COL6A3: variants seen among roughly 807,000 people sequenced by gnomAD.
The protein encoded by COL6A3 is collagen alpha-3(VI) chain.
COL6A3 carries 137 observed loss-of-function variants against 274.1 expected under a neutral mutation model. The observed-to-expected ratio is 0.50, with a 90% CI of 0.44 to 0.58. The LOEUF is 0.58. Ranked by LOEUF, COL6A3 falls within the 20% of genes least tolerant of loss-of-function variation. The pLI, the probability that COL6A3 is intolerant of heterozygous loss-of-function variation, is 0.00. For synonymous variants in COL6A3, 1,650 were observed against 1,650.6 expected (o/e 1.00, Z 0.01); for missense variants, 3,950 against 4,124.9 (o/e 0.96, Z 1.16).
At chr2:237,365,429 A>G (rs765667140) in intron 12 of COL6A3, among the ~76,000 whole-genome samples, 1 of 152,166 alleles carries the variant, frequency 6.6e-6, no homozygotes, top group Non-Finnish European at 1.5e-5. Context: ...ACCTGACTGG[A>G]CTATAATTAA....
intron 10 of COL6A3, among the ~76,000 whole-genome samples, chr2:237,367,897 A>T (rs2077591432): frequency 6.6e-6 from 1 of 152,150 alleles, no homozygotes; most frequent in Non-Finnish European, 1.5e-5. Context: ...AAAGGATGAG[A>T]GACAGTGTGA....
chr2:237,408,353 T>G (rs1190360146), intron 1 of COL6A3, among the ~76,000 whole-genome samples: 1 of 152,208 alleles, frequency 6.6e-6, no homozygotes, highest in Non-Finnish European at 1.5e-5. Context: ...ACTGCTCTCT[T>G]CCATCTGTTG....
In COL6A3 at chr2:237,366,847, A is replaced by G; in HGVS notation, c.5340T>C (p.Asn1780=). ...TCTTTCCAACCTCCTCCGAGTCGAT[A>G]TTCCTCACTCCAACAGCAAACACTT... ...GVKVFAVGVR[N]IDSEEVGKIA... Residue 1780 remains asparagine, a synonymous_variant, in exon 11 of 44, where the codon AAT becomes AAC. Coordinates refer to ENST00000295550, the MANE Select transcript of COL6A3 (RefSeq NM_004369.4). 6.2e-7 allele frequency: 1 copy of G among 1,614,200 alleles called. No homozygotes were observed. The highest frequency in any genetic ancestry group is 8.5e-7 in the Non-Finnish European group (1 of 1,180,040).
chr2:237,366,050 T>G lies in COL6A3; in HGVS notation c.5501-15A>C. ...CAGATTACAAGCTGGAAAGGAGAAATGCAGGTGATGAGTTCTCAGCTGGGG... is the reference window on the plus strand; with the variant it reads ...CAGATTACAAGCTGGAAAGGAGAAAGGCAGGTGATGAGTTCTCAGCTGGGG... On this transcript the variant is annotated splice_polypyrimidine_tract_variant and intron_variant, in intron 11 of 43. Transcript: ENST00000295550. The G allele has an allele frequency of 6.2e-7, 1 of 1,610,798 alleles. No homozygotes were observed. The highest frequency in any genetic ancestry group is 8.5e-7 in the Non-Finnish European group (1 of 1,177,806).
rs144451681 is a variant in COL6A3 at position 237,339,107 on chromosome 2, A to G, written c.8475T>C (p.Ala2825=). ...TCCTGATATCTGGGGACAAGTAAAA[A>G]GCATTTTCACCTAAAGAAAAAAAAC... ...LLPSFVSSEN[A]FYLSPDIRKQ... Residue 2825 remains alanine, a synonymous_variant, in exon 39 of 44, where the codon GCT becomes GCC. Coordinates refer to ENST00000295550, the MANE Select transcript of COL6A3 (RefSeq NM_004369.4). 1.2e-6 allele frequency: 2 copies of G among 1,613,214 alleles called. No individual in the cohort carries two copies. Among genetic ancestry groups the G allele is most frequent in the African/African-American group, 2.7e-5 (2 of 74,928 alleles).
chr2:237,363,348 G>T lies in COL6A3; in HGVS notation c.5968C>A (p.Arg1990=). The change falls in exon 14 of 44, where the codon CGG becomes AGG. Residue 1990 remains arginine (R), a synonymous_variant. Transcript: ENST00000295550. ...CGCCCAAACTCCAGATGCATTAGCC[G>T]CTCCAAGTTGACCACTCGTTCAAGG... ...VGLERVVNLE[R]LMHLEFGRGF... The T allele has an allele frequency of 1.2e-6, 2 of 1,614,044 alleles. No homozygotes were observed. The highest frequency in any genetic ancestry group is 1.7e-6 in the Non-Finnish European group (2 of 1,180,010).
intron 1 of COL6A3, among the ~76,000 whole-genome samples, chr2:237,410,155 T>C (rs2078819326): frequency 6.6e-6 from 1 of 152,068 alleles, no homozygotes; most frequent in African/African-American, 2.4e-5. Context: ...CTACAAACCC[T>C]GAAACTCCAC....
rs565996170 is a variant in COL6A3, at chr2:237,334,824, T to C, written c.9031A>G (p.Arg3011Gly). The C allele has an allele frequency of 7.4e-6, 12 of 1,614,110 alleles. No individual in the cohort carries two copies. The East Asian group carries it at 2.7e-4, about 36-fold the overall frequency. The change falls in exon 41 of 44, where the codon AGG becomes GGG. Residue 3011 changes from arginine (R) to glycine (G), a missense_variant. Coordinates refer to ENST00000295550, the MANE Select transcript of COL6A3 (RefSeq NM_004369.4). ...AAATAAGGACCGGGGGGCTCAGCCC[T>C]CTCCCAGTGGAGTTTGGCGCTGTTC... is the stretch of plus-strand genomic sequence containing the variant. ...TENSAKLHWE[R>G]AEPPGPYFYD...
In COL6A3 at chr2:237,369,035, C is replaced by CCCAA; in HGVS notation, c.4424_4427dup (p.Val1477TrpfsTer8). 6.2e-7 allele frequency: 1 copy of CCCAA among 1,614,170 alleles called. No homozygotes were observed. Among genetic ancestry groups the CCCAA allele is most frequent in the Non-Finnish European group, 8.5e-7 (1 of 1,180,032 alleles). Reference sequence around the variant, plus strand: ...AGACATCATTGCTGAACTGCACGACCCCAACTCTCACTTTACTGGGGCCGA... The same window carrying CCCAA: ...AGACATCATTGCTGAACTGCACGACCCCAACCAACTCTCACTTTACTGGGGCCGA... On this transcript the variant is annotated frameshift_variant, in exon 10 of 44. Transcript: ENST00000295550. LOFTEE classifies it high-confidence loss of function.
rs759485668 is a variant in COL6A3 at position 237,350,214 on chromosome 2, AC to A, written c.6817-6del. 6.2e-7 allele frequency: 1 copy of A among 1,613,948 alleles called. No individual in the cohort carries two copies. Among genetic ancestry groups the A allele is most frequent in the Non-Finnish European group, 8.5e-7 (1 of 1,179,854 alleles). ...TCCTGGCTCTCCGGGCTCACCCTAG[AC>A]ATGAGAAACATGGCTGAGACCCTGT... On this transcript the variant is annotated splice_region_variant and splice_polypyrimidine_tract_variant and intron_variant, in intron 27 of 43. Coordinates refer to ENST00000295550, the MANE Select transcript of COL6A3 (RefSeq NM_004369.4).
intron 42 of COL6A3, chr2:237,328,070 T>C (rs1244876678): frequency 6.6e-6 from 1 of 152,200 alleles, no homozygotes; most frequent in East Asian, 1.9e-4. Flanking sequence ...TTCTTTATTA[T>C]TGAGAACCTA....
intron 24 of COL6A3, 60 bp from the exon 25 acceptor site, chr2:237,353,463 T>G: frequency 6.9e-7 from 1 of 1,450,978 alleles, no homozygotes; most frequent in Non-Finnish European, 9.7e-7. Context: ...TGTCAGCTCT[T>G]TGCTCTACAG....
intron 42 of COL6A3, 134 bp from the exon 43 acceptor site, chr2:237,325,858 C>A: frequency 1.5e-6 from 1 of 687,264 alleles, no homozygotes. Context: ...TGAAAACTCC[C>A]TTAACCTGCT....
At position 237,354,948 on chromosome 2, in the gene COL6A3, A is replaced by C. The variant is rs764066662; in HGVS notation, c.6592-14T>G. 6.2e-7 allele frequency: 1 copy of C among 1,613,456 alleles called. No individual in the cohort carries two copies. Among genetic ancestry groups the C allele is most frequent in the South Asian group, 1.1e-5 (1 of 90,914 alleles). ...GCCAAAGCCACCCTGTGGAAGAAAA[A>C]GTCCCACAAACTGTGAGGGGGAGCA... On this transcript the variant is annotated splice_polypyrimidine_tract_variant and intron_variant, in intron 23 of 43. Coordinates refer to ENST00000295550, the MANE Select transcript of COL6A3 (RefSeq NM_004369.4).
At chr2:237,376,381 T>C (rs2077840870) in intron 7 of COL6A3, among the ~76,000 whole-genome samples, 1 of 152,222 alleles carries the variant, frequency 6.6e-6, no homozygotes, top group Non-Finnish European at 1.5e-5. Context: ...TATAACAATA[T>C]AAAGGCATTG....
At chr2:237,341,273 C>A in intron 37 of COL6A3, 123 bp from the exon 38 acceptor site, 2 of 949,876 alleles carry the variant, frequency 2.1e-6, no homozygotes, top group Non-Finnish European at 3.3e-6. Flanking sequence ...GGGCCGGAAG[C>A]GGTGGCTCAC....
intron 13 of COL6A3, 95 bp from the exon 14 acceptor site, chr2:237,363,493 G>A (rs1410158285): frequency 2.1e-6 from 3 of 1,395,898 alleles, no homozygotes; most frequent in Admixed American, 3.7e-5. Flanking sequence ...AAACTTCAGT[G>A]TAAAATTTAG....
chr2:237,340,346 A>G, intron 38 of COL6A3, 106 bp downstream of exon 38: 10 of 1,063,790 alleles, frequency 9.4e-6, no homozygotes, highest in Non-Finnish European at 9.8e-6. Context: ...TGAATGAAAC[A>G]GTTCCTGTCA....
At chr2:237,332,070 C>CATATATATATATATATATAT (rs58082340) in intron 42 of COL6A3, among the ~76,000 whole-genome samples, 6 of 35,178 alleles carry the variant, frequency 1.7e-4, no homozygotes, top group Non-Finnish European at 3.5e-4. Flanking sequence ...TCTCTCTCTA[C>CATATATATATATATATATAT]ATATATATAT....
Sources: gnomAD v4.1 joint callset for allele counts (sites outside exome capture counted in the v4.1 genomes callset) on GRCh38, gnomAD v4.1.1 for gene constraint, MANE v1.5 for transcripts, NCBI Gene and HGNC (gene_info 2026-07-23, HGNC 2026-07-21) for gene names.